The following CCDC178 variants were observed in gnomAD, a reference collection of about 807,000 sequenced individuals.
CCDC178 encodes the protein coiled-coil domain-containing protein 178.
CCDC178 carries 126 observed loss-of-function variants against 117.4 expected under a neutral mutation model. That is an observed-to-expected ratio of 1.07 (90% CI 0.93 to 1.24). The LOEUF is 1.24. Ranked by LOEUF, CCDC178 falls within the 50% of genes most tolerant of loss-of-function variation. CCDC178 has a pLI of 0.00. For missense variants in CCDC178, 1,030 were observed against 986.9 expected (o/e 1.04, Z -0.59); for synonymous variants, 283 against 313.4 (o/e 0.90, Z 1.02).
intron 22 of CCDC178, among the ~76,000 whole-genome samples, chr18:32,946,992 G>A (rs2054371072): frequency 6.6e-6 from 1 of 151,998 alleles, no homozygotes; most frequent in Admixed American, 6.6e-5. Context: ...GCGTTAGCCA[G>A]GACGGTGTCG....
chr18:33,209,516 G>A (rs1342739878), intron 20 of CCDC178, among the ~76,000 whole-genome samples: 1 of 151,922 alleles, frequency 6.6e-6, no homozygotes. Context: ...CCTTTAATGA[G>A]ACTCTTTTCT....
intron 10 of CCDC178, among the ~76,000 whole-genome samples, chr18:33,331,026 CTTTTTTTTTTTT>C (rs67153629): frequency 6.7e-5 from 3 of 45,056 alleles, no homozygotes; most frequent in East Asian, 7.0e-4. Context: ...ACAAACATTG[CTTTTTTTTTTTT>C]TTTTTTTTTT....
chr18:32,985,872 T>G (rs962696540), intron 21 of CCDC178, among the ~76,000 whole-genome samples: 3 of 152,168 alleles, frequency 2.0e-5, no homozygotes, highest in African/African-American at 7.2e-5. Context: ...TGACTTAGTG[T>G]CATTTGAACC....
intron 14 of CCDC178, among the ~76,000 whole-genome samples, chr18:33,261,831 T>C (rs1040191995): frequency 6.6e-6 from 1 of 152,154 alleles, no homozygotes; most frequent in African/African-American, 2.4e-5. Flanking sequence ...TTCTCATAAC[T>C]GGGTCATATT....
intron 20 of CCDC178, among the ~76,000 whole-genome samples, chr18:33,172,018 C>G (rs2058606862): frequency 6.6e-6 from 1 of 152,186 alleles, no homozygotes; most frequent in Non-Finnish European, 1.5e-5. Context: ...TCAAGCAATT[C>G]TCCTGCCTCA....
chr18:33,012,988 G>C (rs1322131222), intron 21 of CCDC178, among the ~76,000 whole-genome samples: 3 of 152,134 alleles, frequency 2.0e-5, no homozygotes. Flanking sequence ...ACAGTAGTTA[G>C]AGCAAACTTG....
chr18:33,198,491 GT>G (rs933510809), intron 20 of CCDC178, among the ~76,000 whole-genome samples: 4 of 152,114 alleles, frequency 2.6e-5, no homozygotes, highest in Admixed American at 2.6e-4. Flanking sequence ...CTTCTTGAAG[GT>G]AAGAACTCTC....
chr18:33,062,520 C>A (rs765783572), intron 21 of CCDC178, among the ~76,000 whole-genome samples: 10 of 152,144 alleles, frequency 6.6e-5, no homozygotes, highest in Non-Finnish European at 1.5e-4. Context: ...GCCAACCTGG[C>A]TGGAATTGAC....
At chr18:33,033,933 G>A (rs796878149) in intron 21 of CCDC178, among the ~76,000 whole-genome samples, 3 of 150,662 alleles carry the variant, frequency 2.0e-5, no homozygotes, top group Admixed American at 6.6e-5. Context: ...CTGTGTGTGT[G>A]TATATATATA....
At chr18:33,104,634 A>C in intron 20 of CCDC178, among the ~76,000 whole-genome samples, 1 of 151,684 alleles carries the variant, frequency 6.6e-6, no homozygotes, top group South Asian at 2.1e-4. Context: ...AAAAACTAAA[A>C]ATCTCTGGGG....
intron 20 of CCDC178, among the ~76,000 whole-genome samples, chr18:33,163,976 T>C (rs1002509457): frequency 6.6e-6 from 1 of 152,172 alleles, no homozygotes; most frequent in African/African-American, 2.4e-5. Context: ...ATGGCTGATA[T>C]TTGCCACACC....
intron 22 of CCDC178, among the ~76,000 whole-genome samples, chr18:32,942,772 G>A (rs916408650): frequency 2.0e-5 from 3 of 151,910 alleles, no homozygotes; most frequent in East Asian, 1.9e-4. Flanking sequence ...TTAATGCTTC[G>A]CAGTGCACTC....
intron 22 of CCDC178, among the ~76,000 whole-genome samples, chr18:32,968,026 C>A (rs1216359079): frequency 6.6e-6 from 1 of 151,632 alleles, no homozygotes; most frequent in Non-Finnish European, 1.5e-5. Flanking sequence ...CCTCTTTTAG[C>A]TATTTTGAAA....
At chr18:33,332,343 C>A (rs1293770224) in intron 10 of CCDC178, among the ~76,000 whole-genome samples, 1 of 151,728 alleles carries the variant, frequency 6.6e-6, no homozygotes, top group Non-Finnish European at 1.5e-5. Context: ...TTAAAATGTT[C>A]AAAAATAAAT....
chr18:33,363,390 A>G (rs2063156500), intron 6 of CCDC178, among the ~76,000 whole-genome samples: 1 of 152,034 alleles, frequency 6.6e-6, no homozygotes. Flanking sequence ...ACTCAGATCC[A>G]TTTTCTACAG....
Position 33,197,991 on chromosome 18 carries a change from T to C in CCDC178, c.2238+13905A>G, listed in dbSNP as rs542153057. Among the ~76,000 whole-genome samples, 3 of 152,324 alleles carry C rather than the reference T, an allele frequency of 2.0e-5. No homozygotes were observed. The South Asian group carries it at 6.2e-4, about 32-fold the overall frequency. On this transcript the variant is annotated intron_variant, in intron 20 of 22. Coordinates refer to ENST00000383096, the MANE Select transcript of CCDC178 (RefSeq NM_001105528.4). ...TTCATTTTCTCTCAAACTGTTATTA[T>C]TATCATGACACCCAAATTTGAGATA... is the stretch of plus-strand genomic sequence containing the variant.
intron 20 of CCDC178, among the ~76,000 whole-genome samples, chr18:33,177,027 C>T (rs1434327736): frequency 6.6e-6 from 1 of 152,146 alleles, no homozygotes; most frequent in Non-Finnish European, 1.5e-5. Flanking sequence ...TAAAAACCAT[C>T]TTATTGAATG....
intron 21 of CCDC178, among the ~76,000 whole-genome samples, chr18:32,981,451 T>C (rs932805197): frequency 2.0e-4 from 30 of 152,302 alleles, no homozygotes; most frequent in African/African-American, 7.2e-4. Flanking sequence ...ACTAAGCTGG[T>C]AAGGTTACAC....
chr18:33,295,482 AC>A (rs2062095580), intron 11 of CCDC178, among the ~76,000 whole-genome samples: 1 of 152,106 alleles, frequency 6.6e-6, no homozygotes, highest in Non-Finnish European at 1.5e-5. Context: ...ATTGTAAAAC[AC>A]CCTCAAAGAC....
Sources: allele counts gnomAD v4.1 joint callset (sites outside exome capture counted in the v4.1 genomes callset), GRCh38; gene constraint gnomAD v4.1.1; transcripts MANE v1.5; gene names NCBI Gene and HGNC (gene_info 2026-07-23, HGNC 2026-07-21).